Variants in ACTA2 observed in about 807,000 individuals in gnomAD.
The protein encoded by ACTA2 is actin, aortic smooth muscle.
In ACTA2, 12 loss-of-function variants were observed where a neutral mutation model predicts 39.5. The observed-to-expected ratio is 0.30, with a 90% CI of 0.19 to 0.49. The LOEUF (loss-of-function observed/expected upper bound fraction) is 0.49, where lower values mean the gene tolerates loss of function less well. ACTA2 is among the 20% of genes least tolerant of loss of function. The pLI is 0.99. For missense variants in ACTA2, 236 were observed against 498.8 expected (o/e 0.47, Z 5.02); for synonymous variants, 158 against 180.6 (o/e 0.88, Z 1.00).
exon 1 of ACTA2, chr10:88,991,044 G>A: frequency 2.6e-6 from 3 of 1,147,904 alleles, no homozygotes; most frequent in Non-Finnish European, 3.8e-6. Context: ...GGCTGCTGCG[G>A]GAGGCGTTGG....
At chr10:88,948,650 G>T (rs1845996388) in intron 2 of ACTA2, 152 bp downstream of exon 2, 2 of 973,842 alleles carry the variant, frequency 2.1e-6, no homozygotes, top group South Asian at 1.4e-5. Flanking sequence ...ATGTGAAATT[G>T]GCATTTACTC....
chr10:88,991,063 T>G (rs1188788965), exon 1 of ACTA2: 1 of 918,418 alleles, frequency 1.1e-6, no homozygotes, highest in Non-Finnish European at 1.7e-6. Context: ...GGAGACTGGC[T>G]CCCGGGGGCT....
chr10:88,947,354 G>A lies in ACTA2; in HGVS notation c.162C>T (p.Ser54=). 1 of 1,613,978 alleles carries A rather than the reference G, an allele frequency of 6.2e-7. No individual in the cohort carries two copies. The highest frequency in any genetic ancestry group is 1.1e-5 in the South Asian group (1 of 91,076). The change falls in exon 3 of 9, where the codon AGC becomes AGT. Residue 54 remains serine (S), a synonymous_variant. Transcript: ENST00000224784. ...TGCTCTGTGCTTCGTCACCCACGTA[G>A]CTGTCTTTTTGTCCCATTCCCACCA... ...GVMVGMGQKD[S]YVGDEAQSKR...
At chr10:88,946,066 ATTAG>A (rs1845941397) in intron 3 of ACTA2, among the ~76,000 whole-genome samples, 1 of 152,134 alleles carries the variant, frequency 6.6e-6, no homozygotes, top group Admixed American at 6.5e-5. Flanking sequence ...TCATCCTTTA[ATTAG>A]TTAATAAAAC....
chr10:88,978,793 G>A (rs1007018069), intron 1 of ACTA2, among the ~76,000 whole-genome samples: 2 of 152,120 alleles, frequency 1.3e-5, no homozygotes, highest in African/African-American at 2.4e-5. Context: ...ATTGTTCCAC[G>A]TCTAATGGTA....
intron 2 of ACTA2, 144 bp downstream of exon 2, chr10:88,948,658 C>A: frequency 1.8e-6 from 2 of 1,123,062 alleles, no homozygotes; most frequent in South Asian, 1.3e-5. Context: ...TTGGCATTTA[C>A]TCCTGGACCT....
Position 88,935,117 on chromosome 10 carries a change from A to G in ACTA2, c.*106T>C. On this transcript the variant is annotated 3_prime_UTR_variant, in exon 9 of 9. Transcript: ENST00000224784. ...AGATTTATTAAAAAACACATAGGTA[A>G]CGAGTCAGAGCTTTGGCTAGGAATG... The G allele has an allele frequency of 6.6e-7, 1 of 1,504,660 alleles. No homozygotes were observed. The highest frequency in any genetic ancestry group is 9.2e-7 in the Non-Finnish European group (1 of 1,091,008). 93.2% of individuals were successfully genotyped at this position (1,504,660 alleles called of 1,614,324 possible).
upstream of ACTA2, among the ~76,000 whole-genome samples, chr10:88,957,020 A>G (rs780196017): frequency 6.6e-6 from 1 of 152,144 alleles, no homozygotes; most frequent in African/African-American, 2.4e-5. Flanking sequence ...TCATCTCTCA[A>G]CACTGTTGCC....
In ACTA2 at chr10:88,948,901, C is replaced by A; in HGVS notation, c.30G>T (p.Leu10Phe). 1.2e-6 allele frequency: 2 copies of A among 1,613,856 alleles called. No homozygotes were observed. Among genetic ancestry groups the A allele is most frequent in the South Asian group, 2.2e-5 (2 of 91,074 alleles). The change falls in exon 2 of 9, where the codon TTG becomes TTT. Residue 10 changes from leucine to phenylalanine, a missense_variant. Leu to Phe is a conservative substitution (Grantham distance 22). Coordinates refer to ENST00000224784, the MANE Select transcript of ACTA2 (RefSeq NM_001613.4). ...AGAGCCCAGAGCCATTGTCACACAC[C>A]AAGGCAGTGCTGTCCTCTTCTTCAC... MCEEEDSTA[L>F]VCDNGSGLCK...
intron 1 of ACTA2, among the ~76,000 whole-genome samples, chr10:88,977,350 A>G (rs1190038336): frequency 6.6e-6 from 1 of 150,936 alleles, no homozygotes; most frequent in African/African-American, 2.4e-5. Context: ...ATAAGGTGTA[A>G]GGAAGGGATC....
intron 1 of ACTA2, chr10:88,989,702 G>C (rs1473006096): frequency 2.5e-6 from 1 of 405,834 alleles, no homozygotes; most frequent in Non-Finnish European, 4.9e-6. Flanking sequence ...AAGCCTGAAG[G>C]ATGAACAGTG....
chr10:88,937,322 C>T (rs1393039515), intron 8 of ACTA2, among the ~76,000 whole-genome samples: 6 of 152,238 alleles, frequency 3.9e-5, no homozygotes, highest in African/African-American at 1.4e-4. Flanking sequence ...AATTGCCCCT[C>T]TACTTCCTGT....
intron 7 of ACTA2, 23 bp from the exon 8 acceptor site, chr10:88,938,265 G>A: frequency 6.2e-7 from 1 of 1,613,752 alleles, no homozygotes; most frequent in Non-Finnish European, 8.5e-7. Context: ...CACAGGCCAT[G>A]GTCCTTAAGT....
In ACTA2 at chr10:88,971,600, T is replaced by C. The variant is rs139404043; in HGVS notation, c.-24+19339A>G. On this transcript the variant is annotated intron_variant, in intron 1 of 4. Transcript: ENST00000415557. ...GATTTGGATTTGCCTTTTTTTCTTA[T>C]AATAAAAGTCATAATGCCAACCACT... Among the ~76,000 whole-genome samples the C allele has an allele frequency of 1.2e-3, 177 of 152,338 alleles. 2 individuals carry two copies. Among genetic ancestry groups the C allele is most frequent in the African/African-American group, 4.1e-3 (170 of 41,592 alleles).
Position 88,938,352 on chromosome 10 carries a change from A to G in ACTA2, c.809-110T>C, listed in dbSNP as rs1468466624. Reference sequence around the variant, plus strand: ...GATCTTGCAGTGGACTGAGGCTGGGAAGACATAATAATCTAGGAACCACCT... The same window carrying G: ...GATCTTGCAGTGGACTGAGGCTGGGGAGACATAATAATCTAGGAACCACCT... On this transcript the variant is annotated intron_variant, in intron 7 of 8. Transcript: ENST00000224784. 2.5e-6 allele frequency: 3 copies of G among 1,217,344 alleles called. No individual in the cohort carries two copies. The East Asian group carries it at 7.0e-5, about 28-fold the overall frequency. 75.4% of individuals were successfully genotyped at this position (1,217,344 alleles called of 1,614,324 possible). A position where few individuals can be genotyped will look rare whatever the true frequency, so the allele number is the denominator to read the frequency against.
intron 2 of ACTA2, 133 bp from the exon 3 acceptor site, chr10:88,947,519 G>T: frequency 5.9e-6 from 8 of 1,362,366 alleles, no homozygotes; most frequent in Non-Finnish European, 8.2e-6. Context: ...AACATATTGA[G>T]TCTCATTGCC....
At chr10:88,958,447 A>C (rs1564651804) in intron 1 of ACTA2, among the ~76,000 whole-genome samples, 1 of 152,182 alleles carries the variant, frequency 6.6e-6, no homozygotes, top group Non-Finnish European at 1.5e-5. Context: ...GAAATGGAGG[A>C]TCAGATAAGC....
At chr10:88,961,460 C>G (rs75566922) in intron 1 of ACTA2, among the ~76,000 whole-genome samples, 1 of 152,204 alleles carries the variant, frequency 6.6e-6, no homozygotes. Context: ...TGGGATGTCA[C>G]TGCTCATCTC....
At chr10:88,964,661 C>T (rs935605548) in intron 1 of ACTA2, among the ~76,000 whole-genome samples, 2 of 152,068 alleles carry the variant, frequency 1.3e-5, no homozygotes, top group East Asian at 3.9e-4. Context: ...TTTGTATCTA[C>T]TTCTCGATTG....
Sources: gnomAD v4.1 joint callset for allele counts (sites outside exome capture counted in the v4.1 genomes callset) on GRCh38, gnomAD v4.1.1 for gene constraint, MANE v1.5 for transcripts, NCBI Gene and HGNC (gene_info 2026-07-23, HGNC 2026-07-21) for gene names.